Variants in DDX10 observed in about 807,000 individuals in gnomAD.
DDX10 encodes DEAD-box helicase 10.
A neutral mutation model predicts 104.3 loss-of-function variants in DDX10; 74 were observed. The observed-to-expected ratio is 0.71, with a 90% CI of 0.59 to 0.86. The LOEUF (loss-of-function observed/expected upper bound fraction) is 0.86. DDX10 is among the 40% of genes least tolerant of loss of function. DDX10 has a pLI of 0.00. For synonymous variants in DDX10, 351 were observed against 353.4 expected, an observed-to-expected ratio of 0.99 and a Z score of 0.08; for missense variants, 952 against 1,040.0, an observed-to-expected ratio of 0.92 and a Z score of 1.16.
At chr11:108,844,483 C>T (rs1862686487) in intron 15 of DDX10, among the ~76,000 whole-genome samples, 1 of 152,120 alleles carries the variant, frequency 6.6e-6, no homozygotes, top group South Asian at 2.1e-4. Flanking sequence ...ATCATTTATG[C>T]ACCAAGCTGT....
intron 13 of DDX10, among the ~76,000 whole-genome samples, chr11:108,814,267 A>C (rs1034018495): frequency 6.6e-6 from 1 of 152,156 alleles, no homozygotes; most frequent in Non-Finnish European, 1.5e-5. Flanking sequence ...TTTTTAGATA[A>C]AGATTATTTG....
chr11:108,911,695 G>C (rs550207279), intron 16 of DDX10, among the ~76,000 whole-genome samples: 94 of 150,134 alleles, frequency 6.3e-4, no homozygotes, highest in African/African-American at 2.2e-3. Context: ...AGCCTCCCAA[G>C]TAGCTGCAAA....
At chr11:108,679,163 T>A (rs987786721) in intron 5 of DDX10, among the ~76,000 whole-genome samples, 1 of 152,128 alleles carries the variant, frequency 6.6e-6, no homozygotes, top group African/African-American at 2.4e-5. Context: ...AGCCTTCCCC[T>A]GGTGTTAATG....
chr11:108,675,435 A>T (rs2094223183), intron 2 of DDX10, among the ~76,000 whole-genome samples, 161 bp from the exon 3 acceptor site: 1 of 148,290 alleles, frequency 6.7e-6, no homozygotes, highest in Admixed American at 6.7e-5. Flanking sequence ...GCTCTAACTT[A>T]ATCAACCTCT....
intron 13 of DDX10, among the ~76,000 whole-genome samples, chr11:108,837,385 A>G (rs17108632): frequency 0.016 from 2,442 of 152,206 alleles, 75 homozygotes; most frequent in African/African-American, 0.056. Context: ...GATAATCCAA[A>G]TCCTCAGACC....
At chr11:108,928,265 A>C (rs1863933403) in intron 17 of DDX10, among the ~76,000 whole-genome samples, 1 of 152,246 alleles carries the variant, frequency 6.6e-6, no homozygotes, top group African/African-American at 2.4e-5. Flanking sequence ...GGAATAATAT[A>C]TCAGTGAATC....
At chr11:108,828,744 C>G (rs2134584599) in intron 13 of DDX10, among the ~76,000 whole-genome samples, 1 of 152,334 alleles carries the variant, frequency 6.6e-6, no homozygotes, top group East Asian at 1.9e-4. Flanking sequence ...TTGTCTCAGC[C>G]TCCTGAGTAG....
intron 15 of DDX10, among the ~76,000 whole-genome samples, chr11:108,845,424 C>A (rs749666198): frequency 7.2e-5 from 11 of 151,912 alleles, no homozygotes; most frequent in Non-Finnish European, 1.2e-4. Context: ...ATTCTTAGTT[C>A]TTTTAGTGTA....
At chr11:108,915,446 GGTTTT>G (rs1466133156) in intron 16 of DDX10, among the ~76,000 whole-genome samples, 3 of 97,176 alleles carry the variant, frequency 3.1e-5, no homozygotes, top group African/African-American at 2.3e-4. Flanking sequence ...TTTTTTTTTT[GGTTTT>G]TTTTTTTTTG....
chr11:108,932,561 T>C (rs1341549476), intron 17 of DDX10, among the ~76,000 whole-genome samples: 1 of 152,068 alleles, frequency 6.6e-6, no homozygotes, highest in African/African-American at 2.4e-5. Flanking sequence ...AACAAGATGG[T>C]TTCCACATTC....
At chr11:108,762,444 T>A (rs1171840772) in intron 13 of DDX10, among the ~76,000 whole-genome samples, 1 of 152,178 alleles carries the variant, frequency 6.6e-6, no homozygotes, top group Non-Finnish European at 1.5e-5. Context: ...ACTGAAATGA[T>A]GGTAATTGGG....
chr11:108,837,012 G>C (rs1862564399), intron 13 of DDX10, among the ~76,000 whole-genome samples: 1 of 152,196 alleles, frequency 6.6e-6, no homozygotes, highest in Non-Finnish European at 1.5e-5. Flanking sequence ...CAATCAACTA[G>C]GGAGACTGCA....
chr11:108,851,177 T>C (rs563024898), intron 15 of DDX10, among the ~76,000 whole-genome samples: 124 of 152,166 alleles, frequency 8.1e-4, no homozygotes, highest in African/African-American at 2.9e-3. Flanking sequence ...ACATAAAATA[T>C]AGTTATATTC....
chr11:108,915,575 A>G (rs376395211), intron 16 of DDX10, among the ~76,000 whole-genome samples: 9 of 152,254 alleles, frequency 5.9e-5, no homozygotes, highest in African/African-American at 1.9e-4. Context: ...TCAGTGAACA[A>G]TTATTTTCCA....
At chr11:108,924,397 C>G (rs1337639332) in intron 17 of DDX10, among the ~76,000 whole-genome samples, 2 of 152,126 alleles carry the variant, frequency 1.3e-5, no homozygotes. Context: ...TCATTTAGAC[C>G]TGATAACTTC....
At chr11:108,689,191 C>T (rs2094248706) in intron 7 of DDX10, 129 bp downstream of exon 7, 3 of 943,984 alleles carry the variant, frequency 3.2e-6, no homozygotes, top group Admixed American at 2.2e-5. Context: ...CTTTCGTGTC[C>T]TTGTTGCAAA....
rs139921671 is a variant in DDX10 at position 108,758,033 on chromosome 11, T to G, written c.1965+34571T>G. On this transcript the variant is annotated intron_variant, in intron 13 of 17. Coordinates refer to ENST00000322536, the MANE Select transcript of DDX10 (RefSeq NM_004398.4). ...GCTACAGCAACCTCAGTTGGGCGCT[T>G]CTTCTTTTACGCCATAGTGGCAGCA... is the stretch of plus-strand genomic sequence containing the variant. Among the ~76,000 whole-genome samples the G allele has an allele frequency of 1.9e-4, 29 of 152,126 alleles. 1 individual carries two copies. The East Asian group carries it at 5.6e-3, about 29-fold the overall frequency.
intron 13 of DDX10, among the ~76,000 whole-genome samples, chr11:108,802,608 T>TGAAGA (rs1862037313): frequency 1.3e-5 from 2 of 152,224 alleles, no homozygotes; most frequent in African/African-American, 2.4e-5. Context: ...TGTAATTTTC[T>TGAAGA]GAAACTTTTT....
intron 16 of DDX10, among the ~76,000 whole-genome samples, chr11:108,889,016 C>A (rs1183308849): frequency 6.6e-6 from 1 of 152,046 alleles, no homozygotes; most frequent in Non-Finnish European, 1.5e-5. Context: ...AATAAAGGCC[C>A]ATCAAATAGG....
Sources: allele counts gnomAD v4.1 joint callset (sites outside exome capture counted in the v4.1 genomes callset), GRCh38; gene constraint gnomAD v4.1.1; transcripts MANE v1.5; gene names NCBI Gene and HGNC (gene_info 2026-07-23, HGNC 2026-07-21).